DCC: variants seen among roughly 807,000 people sequenced by gnomAD.
The protein encoded by DCC is netrin receptor DCC.
In DCC, 58 loss-of-function variants were observed where a neutral mutation model predicts 172.5. The ratio of observed to expected loss-of-function variants is 0.34; its 90% CI spans 0.27 to 0.42. DCC has a LOEUF of 0.42. Among genes scored for constraint, DCC ranks in the 10% least tolerant of loss-of-function variants. DCC has a pLI of 1.00. For missense variants in DCC, 1,740 were observed against 1,791.0 expected (o/e 0.97, Z 0.51); for synonymous variants, 709 against 644.5 (o/e 1.10, Z -1.52).
intron 1 of DCC, among the ~76,000 whole-genome samples, chr18:52,346,071 T>A (rs1361977496): frequency 6.6e-6 from 1 of 152,206 alleles, no homozygotes; most frequent in African/African-American, 2.4e-5. Flanking sequence ...ATCAGTAGCA[T>A]GGGACTGACC....
chr18:52,498,027 C>T (rs1452184019), intron 1 of DCC, among the ~76,000 whole-genome samples: 5 of 152,128 alleles, frequency 3.3e-5, no homozygotes, highest in African/African-American at 9.7e-5. Context: ...AGAGACAATA[C>T]AAAAAGGAAT....
At chr18:53,507,751 G>T (rs2046199079) in intron 27 of DCC, among the ~76,000 whole-genome samples, 1 of 152,136 alleles carries the variant, frequency 6.6e-6, no homozygotes, top group African/African-American at 2.4e-5. Flanking sequence ...GGCACTTATA[G>T]TGACTGCTAT....
intron 2 of DCC, among the ~76,000 whole-genome samples, chr18:52,875,608 T>G (rs756322855): frequency 5.4e-4 from 82 of 152,332 alleles, no homozygotes; most frequent in Admixed American, 2.9e-3. Context: ...CTGTTATTGG[T>G]GCTGAAGGCG....
chr18:53,129,879 T>C (rs1242738077), intron 7 of DCC, among the ~76,000 whole-genome samples: 1 of 152,140 alleles, frequency 6.6e-6, no homozygotes, highest in Non-Finnish European at 1.5e-5. Flanking sequence ...CTAGGCCATA[T>C]AAAAAACAGA....
At chr18:53,129,451 G>A (rs950609471) in intron 7 of DCC, among the ~76,000 whole-genome samples, 5 of 151,636 alleles carry the variant, frequency 3.3e-5, no homozygotes, top group African/African-American at 1.2e-4. Context: ...CCTCTAGAAA[G>A]TTCTCCCATG....
chr18:52,620,117 T>C (rs1207395770), intron 1 of DCC, among the ~76,000 whole-genome samples: 1 of 152,352 alleles, frequency 6.6e-6, no homozygotes, highest in East Asian at 1.9e-4. Context: ...GGCTCAGGCA[T>C]GTCATTTTGG....
At chr18:53,516,746 A>G (rs1241441349) in intron 27 of DCC, among the ~76,000 whole-genome samples, 1 of 147,130 alleles carries the variant, frequency 6.8e-6, no homozygotes, top group Non-Finnish European at 1.5e-5. Context: ...AACCACAATG[A>G]GATACCATCT....
intron 5 of DCC, among the ~76,000 whole-genome samples, chr18:53,043,872 C>G (rs550446175): frequency 6.6e-6 from 1 of 151,876 alleles, no homozygotes; most frequent in Non-Finnish European, 1.5e-5. Flanking sequence ...ACCACACTCA[C>G]TATTCTGTGA....
chr18:53,326,392 G>A (rs954456711), intron 14 of DCC, among the ~76,000 whole-genome samples: 1 of 152,080 alleles, frequency 6.6e-6, no homozygotes, highest in African/African-American at 2.4e-5. Flanking sequence ...AATACCAAAG[G>A]CCTTCTCAAT....
At chr18:52,402,980 G>C (rs1986497181) in intron 1 of DCC, among the ~76,000 whole-genome samples, 3 of 152,030 alleles carry the variant, frequency 2.0e-5, no homozygotes, top group Admixed American at 2.0e-4. Flanking sequence ...TTTAGTCACT[G>C]TATAGGCTAA....
intron 12 of DCC, among the ~76,000 whole-genome samples, chr18:53,254,984 G>A (rs2056487260): frequency 6.6e-6 from 1 of 151,958 alleles, no homozygotes; most frequent in Non-Finnish European, 1.5e-5. Context: ...CCCTATTCTA[G>A]TCTAGCCCAG....
chr18:53,081,785 C>T (rs2042809395), intron 7 of DCC, among the ~76,000 whole-genome samples: 1 of 152,038 alleles, frequency 6.6e-6, no homozygotes, highest in African/African-American at 2.4e-5. Flanking sequence ...GTCAGCCAAT[C>T]ATTCTAGGAA....
At chr18:53,120,330 C>G (rs770371071) in intron 7 of DCC, among the ~76,000 whole-genome samples, 6 of 151,260 alleles carry the variant, frequency 4.0e-5, no homozygotes, top group Non-Finnish European at 8.9e-5. Flanking sequence ...TAGAATATAA[C>G]CTTAGAGAAT....
At chr18:52,837,947 A>T (rs1398720223) in intron 2 of DCC, among the ~76,000 whole-genome samples, 1 of 152,148 alleles carries the variant, frequency 6.6e-6, no homozygotes, top group East Asian at 1.9e-4. Flanking sequence ...TGGTGGCAGG[A>T]AGGAAAAAAA....
intron 5 of DCC, among the ~76,000 whole-genome samples, chr18:52,988,763 G>C (rs2145617660): frequency 6.6e-6 from 1 of 152,010 alleles, no homozygotes; most frequent in East Asian, 1.9e-4. Flanking sequence ...CTTTATATAT[G>C]TTCTTGAAGG....
chr18:52,670,120 A>G (rs1212481830), intron 1 of DCC, among the ~76,000 whole-genome samples: 2 of 152,258 alleles, frequency 1.3e-5, no homozygotes, highest in African/African-American at 4.8e-5. Context: ...AAAATGACCA[A>G]GATGACGCAA....
Position 52,795,552 on chromosome 18 carries a change from A to G in DCC, c.412+43178A>G, listed in dbSNP as rs150116675. ...AAAAATTTTACCTTCTCAGAAAAAC[A>G]AGTTTTTGTTTTATTGGTTCTTGGC... On this transcript the variant is annotated intron_variant, in intron 2 of 28. Transcript: ENST00000442544. 1.7e-3 allele frequency among the ~76,000 whole-genome samples: 258 copies of G among 151,984 alleles called. No individual in the cohort carries two copies. The East Asian group carries it at 0.023, about 14-fold the overall frequency.
chr18:52,904,336 C>T (rs146391988), intron 2 of DCC, among the ~76,000 whole-genome samples: 2 of 152,208 alleles, frequency 1.3e-5, no homozygotes, highest in African/African-American at 2.4e-5. Context: ...TAATTTTGGT[C>T]TAATTTTATA....
intron 5 of DCC, among the ~76,000 whole-genome samples, chr18:52,980,245 G>A (rs1230397337): frequency 1.3e-5 from 2 of 152,158 alleles, no homozygotes; most frequent in Non-Finnish European, 2.9e-5. Context: ...TGCAGCAGGA[G>A]GATGACATGG....
Sources: gnomAD v4.1 joint callset for allele counts (sites outside exome capture counted in the v4.1 genomes callset) on GRCh38, gnomAD v4.1.1 for gene constraint, MANE v1.5 for transcripts, NCBI Gene and HGNC (gene_info 2026-07-23, HGNC 2026-07-21) for gene names.